KALRN: variants seen among roughly 807,000 people sequenced by gnomAD.
The protein encoded by KALRN is kalirin.
KALRN carries 70 observed loss-of-function variants against 353.7 expected under a neutral mutation model. The observed-to-expected ratio is 0.20, with a 90% confidence interval of 0.16 to 0.24. The LOEUF is 0.24. Among genes scored for constraint, KALRN ranks in the 10% least tolerant of loss-of-function variants. The pLI is 1.00. For synonymous variants in KALRN, 1,391 were observed against 1,434.8 expected (o/e 0.97, Z 0.69); for missense variants, 2,791 against 3,756.7 (o/e 0.74, Z 6.72).
At chr3:124,252,541 C>T (rs749024961) in intron 3 of KALRN, among the ~76,000 whole-genome samples, 1 of 152,214 alleles carries the variant, frequency 6.6e-6, no homozygotes, top group Non-Finnish European at 1.5e-5. Flanking sequence ...ACTACCTTTG[C>T]ACCACCCCAC....
rs2062596531 is a variant in KALRN at position 124,706,049 on chromosome 3, G to A, written c.8075+3933G>A. Among the ~76,000 whole-genome samples, 4 of 152,042 alleles carry A rather than the reference G, an allele frequency of 2.6e-5. 1 individual carries two copies. The South Asian group carries it at 8.3e-4, about 32-fold the overall frequency. On this transcript the variant is annotated intron_variant, in intron 57 of 59. Coordinates refer to ENST00000682506, the MANE Select transcript of KALRN (RefSeq NM_001388419.1). ...AGCCTCCCAAGTAGCTGGGACTACA[G>A]ACACACACCATTATGCCCAGCTAAC...
At chr3:124,549,197 GTCTA>G (rs1430144653) in intron 33 of KALRN, among the ~76,000 whole-genome samples, 1 of 69,018 alleles carries the variant, frequency 1.4e-5, no homozygotes, top group Non-Finnish European at 2.8e-5. Flanking sequence ...CCATGATGTA[GTCTA>G]TAAGCTCCTA....
chr3:124,043,109 AAATACC>A (rs2040118806), intron 1 of KALRN, among the ~76,000 whole-genome samples: 1 of 152,156 alleles, frequency 6.6e-6, no homozygotes, highest in South Asian at 2.1e-4. Context: ...GGAACTGAGC[AAATACC>A]ATTGGTTCTG....
intron 13 of KALRN, 44 bp from the exon 14 acceptor site, chr3:124,413,426 G>T: frequency 7.8e-6 from 12 of 1,535,766 alleles, no homozygotes; most frequent in Non-Finnish European, 1.1e-5. Context: ...ACAATCTCTC[G>T]TGGACCTGGT....
chr3:124,206,504 G>A (rs2076425140), intron 1 of KALRN, among the ~76,000 whole-genome samples: 1 of 152,174 alleles, frequency 6.6e-6, no homozygotes, highest in Non-Finnish European at 1.5e-5. Flanking sequence ...GCCAATCTCT[G>A]TACCAACCTT....
rs749482407 is a variant in KALRN at position 124,658,508 on chromosome 3, C to T, written c.6114C>T (p.Ala2038=). 2 of 1,613,804 alleles carry T rather than the reference C, an allele frequency of 1.2e-6. No homozygotes were observed. The highest frequency in any genetic ancestry group is 2.2e-5 in the South Asian group (2 of 91,080). The change falls in exon 42 of 60, where the codon GCC becomes GCT. Residue 2038 remains alanine (A), a synonymous_variant. Coordinates refer to ENST00000682506, the MANE Select transcript of KALRN (RefSeq NM_001388419.1). ...RSEYIVAEYD[A]YFEEVKQEIN... is the part of the protein sequence containing the mutation. The stretch of plus-strand genomic sequence containing the variant: ...AGTACATCGTTGCTGAGTATGACGC[C>T]TACTTTGAGGTAAGCTGTGCAGGCT...
intron 3 of KALRN, among the ~76,000 whole-genome samples, chr3:124,250,108 T>C (rs1313184770): frequency 3.3e-5 from 5 of 152,058 alleles, no homozygotes; most frequent in African/African-American, 1.2e-4. Context: ...TTGGTGGGGA[T>C]GGTTGTGCAT....
chr3:124,219,122 G>A (rs894732948), intron 1 of KALRN, among the ~76,000 whole-genome samples: 2 of 152,200 alleles, frequency 1.3e-5, no homozygotes, highest in African/African-American at 4.8e-5. Context: ...TGACACTTGG[G>A]ATGTGAGAAA....
At chr3:124,277,412 AT>A (rs1235730233) in intron 5 of KALRN, among the ~76,000 whole-genome samples, 1 of 152,088 alleles carries the variant, frequency 6.6e-6, no homozygotes, top group Non-Finnish European at 1.5e-5. Context: ...GTGTGTCTGT[AT>A]CCCGCCCCCT....
In KALRN at chr3:124,033,572, C is replaced by T. The variant is rs1228365198; in HGVS notation, c.-169C>T. 6.6e-6 allele frequency among the ~76,000 whole-genome samples: 1 copy of T among 151,374 alleles called. No individual in the cohort carries two copies. The highest frequency in any genetic ancestry group is 1.5e-5 in the Non-Finnish European group (1 of 67,738). On this transcript the variant is annotated 5_prime_UTR_variant, in exon 1 of 60. Transcript: ENST00000682506. This position sits in a 1 kb window ranked among gnomAD's most constrained non-coding sequence, Gnocchi z 6.2. ...GCGCCTCCGCCTGAGGGAGGCTCAG[C>T]GTCCTCTGCCCCAGCCCCGCCGCCC...
chr3:124,414,772 G>C (rs769693401), intron 14 of KALRN, among the ~76,000 whole-genome samples: 1 of 152,236 alleles, frequency 6.6e-6, no homozygotes. Flanking sequence ...CCCTCCTACC[G>C]GGGTCCTTGT....
intron 3 of KALRN, among the ~76,000 whole-genome samples, chr3:124,237,427 A>G (rs2148610937): frequency 6.6e-6 from 1 of 151,072 alleles, no homozygotes; most frequent in East Asian, 2.1e-4. Flanking sequence ...CAGTGGCACA[A>G]TCTCGGTTCA....
intron 37 of KALRN, among the ~76,000 whole-genome samples, chr3:124,638,759 G>C (rs797018020): frequency 2.6e-5 from 2 of 77,330 alleles, no homozygotes; most frequent in African/African-American, 5.4e-5. Flanking sequence ...GTCTCCAATG[G>C]GGGGGTGCCC....
intron 3 of KALRN, among the ~76,000 whole-genome samples, chr3:124,250,430 G>A (rs968253523): frequency 2.0e-5 from 3 of 152,104 alleles, no homozygotes; most frequent in Non-Finnish European, 4.4e-5. Context: ...TGGACAGGTC[G>A]GGTGCAGCAC....
intron 33 of KALRN, among the ~76,000 whole-genome samples, chr3:124,500,249 T>C (rs893567896): frequency 2.0e-5 from 3 of 152,228 alleles, no homozygotes; most frequent in Non-Finnish European, 4.4e-5. Flanking sequence ...TTCTCTTATT[T>C]AGTTCCATCT....
chr3:124,257,244 A>G (rs995360630), intron 3 of KALRN, among the ~76,000 whole-genome samples: 1 of 152,242 alleles, frequency 6.6e-6, no homozygotes. Flanking sequence ...AGTTTTTATC[A>G]TTAAACTCTC....
chr3:124,172,014 C>A (rs936823880), intron 1 of KALRN, among the ~76,000 whole-genome samples: 1 of 152,174 alleles, frequency 6.6e-6, no homozygotes, highest in Non-Finnish European at 1.5e-5. Flanking sequence ...CTGGATTCAG[C>A]CAGTTCAGTC....
At chr3:124,288,100 C>T (rs2076114365) in intron 5 of KALRN, among the ~76,000 whole-genome samples, 1 of 152,058 alleles carries the variant, frequency 6.6e-6, no homozygotes, top group Non-Finnish European at 1.5e-5. Context: ...GTCTCGAGCT[C>T]CTGACCTCAG....
At chr3:124,685,676 C>T (rs2061525013) in intron 51 of KALRN, among the ~76,000 whole-genome samples, 2 of 152,204 alleles carry the variant, frequency 1.3e-5, no homozygotes, top group Non-Finnish European at 2.9e-5. Context: ...CACCCACGCC[C>T]TTTCTCAATG....
Sources: allele counts gnomAD v4.1 joint callset (sites outside exome capture counted in the v4.1 genomes callset), GRCh38; gene constraint gnomAD v4.1.1; non-coding constraint Gnocchi (gnomAD v3.1); transcripts MANE v1.5; gene names NCBI Gene and HGNC (gene_info 2026-07-23, HGNC 2026-07-21).